The following RSU1 variants were observed in gnomAD, a reference collection of about 807,000 sequenced individuals.
RSU1 encodes the protein Ras suppressor protein 1, also known as rsu-1.
In RSU1, 26 loss-of-function variants were observed where a neutral mutation model predicts 31.1. That is an observed-to-expected ratio of 0.84 (90% CI 0.61 to 1.16). RSU1 has a LOEUF of 1.16. Ranked by LOEUF, RSU1 falls within the 50% of genes most tolerant of loss-of-function variation. The probability of loss-of-function intolerance (pLI) is 0.00; values close to 1 mark genes in which losing one functional copy is unlikely to be tolerated. For synonymous variants in RSU1, 164 were observed against 136.3 expected (o/e 1.20, Z -1.41); for missense variants, 320 against 339.1 (o/e 0.94, Z 0.44).
chr10:16,755,002 G>A lies in RSU1; in HGVS notation c.282-13C>T, dbSNP rs752595295. 6.5e-7 allele frequency: 1 copy of A among 1,542,108 alleles called. No homozygotes were observed. The highest frequency in any genetic ancestry group is 1.7e-5 in the Admixed American group (1 of 57,748). ...CAGCCTGTTCATGCTGTTGCAGGGG[G>A]ACAAAAATCTATGTCATGACACCAA... On this transcript the variant is annotated splice_polypyrimidine_tract_variant and intron_variant, in intron 4 of 8. Transcript: ENST00000345264.
intron 3 of RSU1, among the ~76,000 whole-genome samples, chr10:16,769,088 A>G (rs566441192): frequency 3.3e-5 from 5 of 152,332 alleles, no homozygotes; most frequent in African/African-American, 1.2e-4. Flanking sequence ...GGCTTCCCCC[A>G]ACTGGTCAGC....
At chr10:16,650,746 C>CT (rs11333769) in intron 8 of RSU1, among the ~76,000 whole-genome samples, 31,112 of 148,676 alleles carry the variant, frequency 0.21, 3,814 homozygotes, top group South Asian at 0.37. Context: ...CACCCGGCTA[C>CT]TTTTTTTTTT....
chr10:16,669,304 C>T (rs1399125419), intron 8 of RSU1, among the ~76,000 whole-genome samples: 1 of 151,946 alleles, frequency 6.6e-6, no homozygotes, highest in African/African-American at 2.4e-5. Flanking sequence ...CCCAGGCCTG[C>T]CTCACTCTAA....
chr10:16,796,772 C>G (rs1000571546), intron 2 of RSU1, among the ~76,000 whole-genome samples: 4 of 152,034 alleles, frequency 2.6e-5, no homozygotes, highest in African/African-American at 4.8e-5. Flanking sequence ...ATCCTGAAAC[C>G]CTACATCAAA....
intron 8 of RSU1, among the ~76,000 whole-genome samples, chr10:16,628,012 G>C (rs1195728612): frequency 6.6e-6 from 1 of 152,174 alleles, no homozygotes; most frequent in African/African-American, 2.4e-5. Flanking sequence ...CCTTGAGTTA[G>C]AGGGAGACTA....
intron 7 of RSU1, among the ~76,000 whole-genome samples, chr10:16,712,902 T>C (rs1836050779): frequency 6.6e-6 from 1 of 152,218 alleles, no homozygotes. Flanking sequence ...ACAAATTCTC[T>C]CAGCCTTTGC....
chr10:16,616,209 C>G (rs191268426), intron 8 of RSU1, among the ~76,000 whole-genome samples: 2 of 151,960 alleles, frequency 1.3e-5, no homozygotes, highest in African/African-American at 2.4e-5. Context: ...AAACTACCAT[C>G]AGAATACTAT....
intron 2 of RSU1, among the ~76,000 whole-genome samples, chr10:16,791,429 T>C (rs958555469): frequency 6.6e-6 from 1 of 151,532 alleles, no homozygotes; most frequent in Non-Finnish European, 1.5e-5. Flanking sequence ...AGCTCAGGAG[T>C]TCAGGATTTC....
In RSU1 at chr10:16,757,281, A is replaced by C. The variant is rs922841972; in HGVS notation, c.282-2292T>G. On this transcript the variant is annotated intron_variant, in intron 4 of 8. Coordinates refer to ENST00000345264, the MANE Select transcript of RSU1 (RefSeq NM_012425.4). Reference sequence around the variant, plus strand: ...ATTTAATAAAAGTTGACAGATACTGAAAGGTGGAAGGGACTGTGACAATAA... The same window carrying C: ...ATTTAATAAAAGTTGACAGATACTGCAAGGTGGAAGGGACTGTGACAATAA... 2.4e-4 allele frequency among the ~76,000 whole-genome samples: 36 copies of C among 152,170 alleles called. 1 individual carries two copies. The highest frequency in any genetic ancestry group is 2.9e-5 in the Non-Finnish European group (2 of 68,032).
chr10:16,705,124 T>A (rs1835870417), intron 7 of RSU1, among the ~76,000 whole-genome samples: 1 of 152,202 alleles, frequency 6.6e-6, no homozygotes, highest in East Asian at 1.9e-4. Context: ...TAACACAGCA[T>A]TTTTTCTTTT....
At chr10:16,660,643 C>CTTTTTTTT (rs1483500175) in intron 8 of RSU1, among the ~76,000 whole-genome samples, 8 of 47,568 alleles carry the variant, frequency 1.7e-4, no homozygotes, top group Non-Finnish European at 2.9e-4. Context: ...TTCTTGAACT[C>CTTTTTTTT]TCTTTTTTTT....
At chr10:16,775,656 C>A (rs1385913104) in intron 3 of RSU1, among the ~76,000 whole-genome samples, 1 of 152,192 alleles carries the variant, frequency 6.6e-6, no homozygotes, top group Non-Finnish European at 1.5e-5. Context: ...ATAGCATGAT[C>A]TCAGGTGCTC....
At chr10:16,765,504 C>G (rs1012685677) in intron 3 of RSU1, among the ~76,000 whole-genome samples, 2 of 152,154 alleles carry the variant, frequency 1.3e-5, no homozygotes, top group African/African-American at 4.8e-5. Flanking sequence ...AAAGGTTCCT[C>G]CTTCCCTAGA....
At chr10:16,636,664 TGCA>T (rs1834349064) in intron 8 of RSU1, among the ~76,000 whole-genome samples, 2 of 152,226 alleles carry the variant, frequency 1.3e-5, no homozygotes, top group African/African-American at 4.8e-5. Context: ...CTTCAAATGG[TGCA>T]GGAGACCTCC....
chr10:16,621,194 G>T (rs1000106565), intron 8 of RSU1, among the ~76,000 whole-genome samples: 1 of 152,178 alleles, frequency 6.6e-6, no homozygotes, highest in African/African-American at 2.4e-5. Flanking sequence ...TTGGGCGCCT[G>T]TGGGGGTGTG....
chr10:16,696,511 A>C (rs980061888), intron 7 of RSU1, among the ~76,000 whole-genome samples: 3 of 152,244 alleles, frequency 2.0e-5, no homozygotes, highest in Admixed American at 6.5e-5. Flanking sequence ...ACAATTTCAC[A>C]AAATCTTTTT....
intron 8 of RSU1, among the ~76,000 whole-genome samples, chr10:16,690,290 A>T (rs1835519604): frequency 6.6e-6 from 1 of 152,228 alleles, no homozygotes; most frequent in African/African-American, 2.4e-5. Flanking sequence ...TTAAAAACAC[A>T]GTGGAGCATG....
At chr10:16,633,135 G>C (rs1199592797) in intron 8 of RSU1, among the ~76,000 whole-genome samples, 4 of 152,096 alleles carry the variant, frequency 2.6e-5, no homozygotes, top group Admixed American at 6.5e-5. Context: ...TTACCCACTG[G>C]ATATCAATAG....
At chr10:16,599,361 A>C (rs377574486) in intron 8 of RSU1, among the ~76,000 whole-genome samples, 5 of 152,256 alleles carry the variant, frequency 3.3e-5, no homozygotes, top group East Asian at 1.9e-4. Flanking sequence ...CCATCCCTCA[A>C]ACCCGGGCAC....
Sources: allele counts gnomAD v4.1 joint callset (sites outside exome capture counted in the v4.1 genomes callset), GRCh38; gene constraint gnomAD v4.1.1; transcripts MANE v1.5; gene names NCBI Gene and HGNC (gene_info 2026-07-23, HGNC 2026-07-21).